The following PCSK5 variants were observed in gnomAD, a reference collection of about 807,000 sequenced individuals.
PCSK5 encodes proprotein convertase subtilisin/kexin type 5.
In PCSK5, 129 loss-of-function variants were observed where a neutral mutation model predicts 233.2. The ratio of observed to expected loss-of-function variants is 0.55; its 90% CI spans 0.48 to 0.64. The LOEUF is 0.64. Ranked by LOEUF, PCSK5 falls within the 30% of genes least tolerant of loss-of-function variation. PCSK5 has a pLI of 0.00. For synonymous variants in PCSK5, 825 were observed against 879.2 expected (o/e 0.94, Z 1.09); for missense variants, 2,076 against 2,430.1 (o/e 0.85, Z 3.06).
At chr9:76,070,382 T>C (rs2131600624) in intron 6 of PCSK5, among the ~76,000 whole-genome samples, 1 of 152,082 alleles carries the variant, frequency 6.6e-6, no homozygotes, top group Admixed American at 6.5e-5. Context: ...AATTCAAGAG[T>C]CTAGAAGAAA....
Position 76,044,535 on chromosome 9 carries a change from G to A in PCSK5, c.632+17498G>A, listed in dbSNP as rs554226883. Among the ~76,000 whole-genome samples, 23 of 152,266 alleles carry A rather than the reference G, an allele frequency of 1.5e-4. No homozygotes were observed. The South Asian group carries it at 4.6e-3, about 30-fold the overall frequency. On this transcript the variant is annotated intron_variant, in intron 5 of 37. Transcript: ENST00000674117. ...ATCTTCTGTGTGTAAAACAGTGGGG[G>A]AAATAAAAGCTACCAGCAGTTTTCT...
At chr9:76,187,362 T>TAACTA (rs1245636644) in intron 17 of PCSK5, among the ~76,000 whole-genome samples, 1 of 152,060 alleles carries the variant, frequency 6.6e-6, no homozygotes, top group African/African-American at 2.4e-5. Flanking sequence ...TTTTTTATAT[T>TAACTA]AACTATTGTA....
At chr9:75,942,551 C>T (rs1824359439) in intron 2 of PCSK5, among the ~76,000 whole-genome samples, 1 of 152,158 alleles carries the variant, frequency 6.6e-6, no homozygotes. Context: ...ACATAACAGG[C>T]TCAGGTCTTG....
intron 24 of PCSK5, among the ~76,000 whole-genome samples, chr9:76,245,343 G>T (rs1252061151): frequency 1.3e-5 from 2 of 151,690 alleles, no homozygotes; most frequent in Non-Finnish European, 2.9e-5. Context: ...AAATTGTAAG[G>T]AATTGCAAAA....
chr9:76,075,786 A>G (rs922028681), intron 7 of PCSK5, among the ~76,000 whole-genome samples: 4 of 152,204 alleles, frequency 2.6e-5, no homozygotes, highest in African/African-American at 9.6e-5. Context: ...ATTCTGGCCT[A>G]TTGGGGTTTA....
chr9:75,973,624 A>G (rs2131368997), intron 2 of PCSK5, among the ~76,000 whole-genome samples: 1 of 152,286 alleles, frequency 6.6e-6, no homozygotes, highest in African/African-American at 2.4e-5. Flanking sequence ...GCCTCCCTCT[A>G]GCCTATAGTC....
At chr9:75,903,609 T>TA (rs1564071371) in intron 1 of PCSK5, among the ~76,000 whole-genome samples, 18 of 142,518 alleles carry the variant, frequency 1.3e-4, no homozygotes, top group African/African-American at 2.6e-4. Flanking sequence ...TATATATATA[T>TA]ATTATATATA....
chr9:76,053,263 C>T (rs1475529900), intron 5 of PCSK5, among the ~76,000 whole-genome samples: 1 of 152,228 alleles, frequency 6.6e-6, no homozygotes, highest in Non-Finnish European at 1.5e-5. Context: ...TTCCCTTCTG[C>T]ACTGCCCTGG....
intron 17 of PCSK5, among the ~76,000 whole-genome samples, chr9:76,187,374 T>A (rs190245877): frequency 2.0e-5 from 3 of 146,448 alleles, no homozygotes; most frequent in African/African-American, 7.5e-5. Flanking sequence ...ACTATTGTAA[T>A]TTTTTTTTTT....
At chr9:76,106,008 A>C (rs1831965180) in intron 8 of PCSK5, among the ~76,000 whole-genome samples, 1 of 152,232 alleles carries the variant, frequency 6.6e-6, no homozygotes, top group Non-Finnish European at 1.5e-5. Context: ...GCTATACAGC[A>C]CTTTGTTCCT....
chr9:76,025,966 G>C (rs1828406589), intron 4 of PCSK5, among the ~76,000 whole-genome samples: 1 of 152,090 alleles, frequency 6.6e-6, no homozygotes, highest in South Asian at 2.1e-4. Flanking sequence ...AACTGGGTGT[G>C]ATGGCACCTG....
At chr9:75,951,028 C>T (rs1039871644) in intron 2 of PCSK5, among the ~76,000 whole-genome samples, 1 of 152,180 alleles carries the variant, frequency 6.6e-6, no homozygotes, top group African/African-American at 2.4e-5. Flanking sequence ...AGTTGTAGCA[C>T]TGTTCCTTCA....
At chr9:76,146,713 A>C (rs1587686107) in intron 10 of PCSK5, among the ~76,000 whole-genome samples, 1 of 152,018 alleles carries the variant, frequency 6.6e-6, no homozygotes. Context: ...TGATTTGAGT[A>C]CCTTAGTGGA....
chr9:75,931,004 C>T (rs974727014), intron 1 of PCSK5, among the ~76,000 whole-genome samples: 1 of 152,148 alleles, frequency 6.6e-6, no homozygotes, highest in Non-Finnish European at 1.5e-5. Flanking sequence ...GCATTCCCCG[C>T]TTGTTTTCAG....
chr9:76,134,159 G>A lies in PCSK5; in HGVS notation c.1259G>A (p.Arg420His), dbSNP rs778416029. The A allele has an allele frequency of 3.7e-6, 6 of 1,609,906 alleles. No individual in the cohort carries two copies. The highest frequency in any genetic ancestry group is 3.4e-5 in the Admixed American group (2 of 59,342). The part of the protein sequence containing the change: ...DVQHVIVRTS[R>H]AGHLNANDWK... ...CAGCATGTTATTGTCAGGACTTCCC[G>A]TGCGGGACATTTGAACGCTAATGAC... Residue 420 changes from arginine to histidine, a missense_variant, in exon 10 of 38, where the codon CGT becomes CAT. By Grantham distance (29) the Arg-to-His change is conservative. This residue lies in a region of PCSK5 where 178 missense variants were observed against 393.6 expected (regional missense o/e 0.45). Coordinates refer to ENST00000674117, the MANE Select transcript of PCSK5 (RefSeq NM_001372043.1).
In PCSK5 at chr9:76,308,686, A is replaced by G; in HGVS notation, c.3646A>G (p.Thr1216Ala). 2 of 1,610,906 alleles carry G rather than the reference A, an allele frequency of 1.2e-6. No homozygotes were observed. Among genetic ancestry groups the G allele is most frequent in the East Asian group, 2.2e-5 (1 of 44,864 alleles). Residue 1216 changes from threonine to alanine, a missense_variant, in exon 29 of 38, where the codon ACC becomes GCC. Transcript: ENST00000674117. ...KLQPCHSSCK[T>A]CNGSATLCTS... ...CCAGCCTTGTCATTCTTCTTGTAAA[A>G]CCTGCAATGGATCTGCAACTCTGTG...
intron 24 of PCSK5, among the ~76,000 whole-genome samples, chr9:76,263,581 GA>G (rs1827246618): frequency 6.7e-6 from 1 of 149,032 alleles, no homozygotes; most frequent in Non-Finnish European, 1.5e-5. Flanking sequence ...TGAACAATAG[GA>G]ACACATGGAC....
chr9:76,248,073 C>T lies in PCSK5; in HGVS notation c.3142+7389C>T, dbSNP rs181164217. ...TGCTGGGATTACAGGCATGAGCCAC[C>T]GCTCCCGACCTTAATCTTTTTTAAA... On this transcript the variant is annotated intron_variant, in intron 24 of 37. Coordinates refer to ENST00000674117, the MANE Select transcript of PCSK5 (RefSeq NM_001372043.1). 2.1e-3 allele frequency among the ~76,000 whole-genome samples: 324 copies of T among 152,198 alleles called. 2 individuals carry two copies. The highest frequency in any genetic ancestry group is 7.5e-3 in the African/African-American group (310 of 41,532).
intron 2 of PCSK5, among the ~76,000 whole-genome samples, chr9:75,936,475 C>A (rs764861766): frequency 2.6e-5 from 4 of 152,228 alleles, no homozygotes; most frequent in Non-Finnish European, 5.9e-5. Context: ...GTTTTAAATT[C>A]TCTGTTGTCA....
Sources: allele counts gnomAD v4.1 joint callset (sites outside exome capture counted in the v4.1 genomes callset), GRCh38; gene constraint gnomAD v4.1.1; regional missense constraint gnomAD v4.1.1; transcripts MANE v1.5; gene names NCBI Gene and HGNC (gene_info 2026-07-23, HGNC 2026-07-21).